Variants in CDH4 observed in about 807,000 individuals in gnomAD.
CDH4 encodes cadherin 4.
Under a neutral mutation model 86.0 loss-of-function variants are expected in CDH4, and 33 were observed. The observed-to-expected ratio is 0.38, with a 90% CI of 0.29 to 0.51. CDH4 has a LOEUF of 0.51. CDH4 is among the 20% of genes least tolerant of loss of function. The probability of loss-of-function intolerance (pLI) is 0.86; values close to 1 mark genes in which losing one functional copy is unlikely to be tolerated. For missense variants in CDH4, 1,114 were observed against 1,307.4 expected, an observed-to-expected ratio of 0.85 and a Z score of 2.28; for synonymous variants, 555 against 549.4, an observed-to-expected ratio of 1.01 and a Z score of -0.14.
intron 2 of CDH4, among the ~76,000 whole-genome samples, chr20:61,731,392 A>G (rs905921516): frequency 1.3e-5 from 2 of 152,262 alleles, no homozygotes; most frequent in East Asian, 1.9e-4. Context: ...GCAGCCCTGC[A>G]TGAGATCCCT....
At chr20:61,898,940 A>C (rs1052550951) in intron 8 of CDH4, among the ~76,000 whole-genome samples, 2 of 152,144 alleles carry the variant, frequency 1.3e-5, no homozygotes, top group African/African-American at 4.8e-5. Context: ...TCGGTCTTTC[A>C]TAGGTGAGGG....
In CDH4 at chr20:61,840,181, G is replaced by T. The variant is rs368791787; in HGVS notation, c.577-4487G>T. Among the ~76,000 whole-genome samples, 22 of 152,322 alleles carry T rather than the reference G, an allele frequency of 1.4e-4. 1 individual carries two copies. In the South Asian group the frequency reaches 4.4e-3, roughly 30 times the overall value. ...GTCTGTGTCCGTCTGCGGGCTGACT[G>T]AGAGAGACCTTCCCGACCGTGCACG... On this transcript the variant is annotated intron_variant, in intron 4 of 15. Transcript: ENST00000614565.
Position 61,599,558 on chromosome 20 carries a change from G to A in CDH4, c.170-144005G>A, listed in dbSNP as rs1360768716. On this transcript the variant is annotated intron_variant, in intron 2 of 15. Transcript: ENST00000614565. ...GATACGTGGAAGACAGACCTAAGCC[G>A]GCCAGCCTCCCAGGCGGGGCAGCCC... Among the ~76,000 whole-genome samples, 4 of 152,194 alleles carry A rather than the reference G, an allele frequency of 2.6e-5. No individual in the cohort carries two copies. In the South Asian group the frequency reaches 6.2e-4, roughly 24 times the overall value.
intron 2 of CDH4, among the ~76,000 whole-genome samples, chr20:61,661,084 C>CGGTG (rs1555821278): frequency 5.3e-5 from 4 of 74,796 alleles, no homozygotes; most frequent in Admixed American, 1.5e-4. Flanking sequence ...GGAGGCATGG[C>CGGTG]GGGGGGGGGG....
At chr20:61,304,858 T>TTG (rs57444563) in intron 2 of CDH4, among the ~76,000 whole-genome samples, 29,102 of 151,076 alleles carry the variant, frequency 0.19, 2,780 homozygotes, top group African/African-American at 0.2. Context: ...AGCACGTGTA[T>TTG]TGTGTGTGTG....
chr20:61,890,484 T>A (rs1233084650), intron 7 of CDH4, among the ~76,000 whole-genome samples: 1 of 150,508 alleles, frequency 6.6e-6, no homozygotes, highest in Non-Finnish European at 1.5e-5. Context: ...AGTGGATGGA[T>A]GGATGATGGA....
At chr20:61,382,017 A>G (rs763769898) in intron 2 of CDH4, among the ~76,000 whole-genome samples, 3 of 152,144 alleles carry the variant, frequency 2.0e-5, no homozygotes, top group Non-Finnish European at 4.4e-5. Context: ...CAGAAGTTGC[A>G]GTGAGCTGAG....
intron 2 of CDH4, among the ~76,000 whole-genome samples, chr20:61,550,285 G>T (rs2086119948): frequency 7.4e-6 from 1 of 135,168 alleles, no homozygotes; most frequent in Non-Finnish European, 1.6e-5. Flanking sequence ...CTACCTCCCT[G>T]GCCTCCCTGC....
At chr20:61,394,791 G>T (rs1368364009) in intron 2 of CDH4, among the ~76,000 whole-genome samples, 1 of 149,274 alleles carries the variant, frequency 6.7e-6, no homozygotes, top group Admixed American at 6.8e-5. Flanking sequence ...TGGAAACTTC[G>T]TACTTTCAAA....
intron 2 of CDH4, among the ~76,000 whole-genome samples, chr20:61,495,444 T>C (rs908706679): frequency 6.6e-6 from 1 of 151,764 alleles, no homozygotes; most frequent in African/African-American, 2.4e-5. Context: ...AAGGCTTCCT[T>C]GGTGGTAGCA....
At chr20:61,423,829 G>T (rs1248845104) in intron 2 of CDH4, among the ~76,000 whole-genome samples, 2 of 152,136 alleles carry the variant, frequency 1.3e-5, no homozygotes, top group African/African-American at 2.4e-5. Flanking sequence ...ATCAGGCCAA[G>T]CTTCTTCAGT....
chr20:61,812,554 G>C (rs1421096993), intron 4 of CDH4, among the ~76,000 whole-genome samples: 1 of 151,814 alleles, frequency 6.6e-6, no homozygotes, highest in African/African-American at 2.4e-5. Context: ...CACCATACCT[G>C]GTCTGTATTT....
intron 4 of CDH4, among the ~76,000 whole-genome samples, chr20:61,785,884 C>T (rs994658025): frequency 1.3e-5 from 2 of 152,182 alleles, no homozygotes; most frequent in South Asian, 2.1e-4. Flanking sequence ...AGCGTGCGAG[C>T]GAGTGGAGAA....
intron 5 of CDH4, among the ~76,000 whole-genome samples, chr20:61,850,594 G>A (rs1982671945): frequency 6.6e-6 from 1 of 152,214 alleles, no homozygotes; most frequent in Non-Finnish European, 1.5e-5. Context: ...CCACGCCCAT[G>A]TATTAATATT....
At chr20:61,747,193 G>A (rs931182521) in intron 3 of CDH4, among the ~76,000 whole-genome samples, 2 of 152,208 alleles carry the variant, frequency 1.3e-5, no homozygotes, top group Non-Finnish European at 2.9e-5. Context: ...TGTAATCTGA[G>A]CATTTTGGGA....
At chr20:61,294,804 C>G (rs1334562808) in intron 2 of CDH4, among the ~76,000 whole-genome samples, 1 of 152,232 alleles carries the variant, frequency 6.6e-6, no homozygotes, top group Non-Finnish European at 1.5e-5. Flanking sequence ...GGACAGGCAC[C>G]AGGCTGGACC....
chr20:61,849,759 A>G (rs896953552), intron 5 of CDH4, among the ~76,000 whole-genome samples: 2 of 152,152 alleles, frequency 1.3e-5, no homozygotes, highest in Non-Finnish European at 1.5e-5. Flanking sequence ...GGATGCCCGC[A>G]TGCCCTTCTC....
intron 2 of CDH4, among the ~76,000 whole-genome samples, chr20:61,432,390 AATATTAGGCAT>A (rs1555849612): frequency 2.0e-5 from 3 of 152,194 alleles, no homozygotes; most frequent in Non-Finnish European, 4.4e-5. Context: ...GGATACTGAC[AATATTAGGCAT>A]ATTTTCACGT....
chr20:61,761,337 G>C (rs757029114), intron 3 of CDH4, among the ~76,000 whole-genome samples: 1 of 152,320 alleles, frequency 6.6e-6, no homozygotes, highest in South Asian at 2.1e-4. Flanking sequence ...AAATAGAATT[G>C]ATATTTGGGG....
Sources: allele counts gnomAD v4.1 joint callset (sites outside exome capture counted in the v4.1 genomes callset), GRCh38; gene constraint gnomAD v4.1.1; transcripts MANE v1.5; gene names NCBI Gene and HGNC (gene_info 2026-07-23, HGNC 2026-07-21).